XYLT1: variants seen among roughly 807,000 people sequenced by gnomAD.
XYLT1 encodes the protein beta-D-xylosyltransferase 1.
Under a neutral mutation model 91.3 loss-of-function variants are expected in XYLT1, and 36 were observed. The observed-to-expected ratio is 0.39, with a 90% CI of 0.30 to 0.52. The LOEUF (loss-of-function observed/expected upper bound fraction) is 0.52. Among genes scored for constraint, XYLT1 ranks in the 20% least tolerant of loss-of-function variants. The pLI is 0.68. For synonymous variants in XYLT1, 588 were observed against 532.0 expected (o/e 1.11, Z -1.45); for missense variants, 1,242 against 1,284.5 (o/e 0.97, Z 0.51).
At chr16:17,138,813 T>C in intron 7 of XYLT1, 1 of 306,496 alleles carries the variant, frequency 3.3e-6, no homozygotes, top group East Asian at 6.0e-5. Context: ...TTATGTTCTC[T>C]GCATGCATTT....
intron 1 of XYLT1, among the ~76,000 whole-genome samples, chr16:17,372,974 C>A (rs1036575367): frequency 1.3e-5 from 2 of 152,120 alleles, no homozygotes; most frequent in African/African-American, 4.8e-5. Context: ...TTTTCTAACA[C>A]GTTCTTGACC....
chr16:17,426,668 T>C lies in XYLT1; in HGVS notation c.363+43766A>G, dbSNP rs185538810. 2.3e-3 allele frequency among the ~76,000 whole-genome samples: 351 copies of C among 152,338 alleles called. 2 individuals carry two copies. The Middle Eastern group carries it at 0.027, about 12-fold the overall frequency. ...CTGTAAATAAAGTTTTATTGACACA[T>C]AGACACGCCCACTAAGTTATTGCCT... On this transcript the variant is annotated intron_variant, in intron 1 of 11. Coordinates refer to ENST00000261381, the MANE Select transcript of XYLT1 (RefSeq NM_022166.4).
chr16:17,440,475 C>G (rs1298510291), intron 1 of XYLT1, among the ~76,000 whole-genome samples: 1 of 152,192 alleles, frequency 6.6e-6, no homozygotes, highest in Non-Finnish European at 1.5e-5. Flanking sequence ...TCAGCCATTT[C>G]TATCAGCTCT....
rs1174192240 is a variant in XYLT1 at position 17,159,720 on chromosome 16, G to A, written c.1290-811C>T. On this transcript the variant is annotated intron_variant, in intron 5 of 11. Transcript: ENST00000261381. Reference sequence around the variant, plus strand: ...AAAAAATATGAAGTCCAATACAAACGAGTGACATCGTTGCCAGCATTGTTA... The same window carrying A: ...AAAAAATATGAAGTCCAATACAAACAAGTGACATCGTTGCCAGCATTGTTA... Among the ~76,000 whole-genome samples, 3 of 152,346 alleles carry A rather than the reference G, an allele frequency of 2.0e-5. 1 individual carries two copies. Among genetic ancestry groups the A allele is most frequent in the East Asian group, 3.9e-4 (2 of 5,188 alleles).
intron 5 of XYLT1, among the ~76,000 whole-genome samples, chr16:17,191,170 T>C (rs2032302085): frequency 6.6e-6 from 1 of 152,198 alleles, no homozygotes; most frequent in Non-Finnish European, 1.5e-5. Flanking sequence ...TGAGGAGCCA[T>C]AACTGTATTC....
intron 2 of XYLT1, among the ~76,000 whole-genome samples, chr16:17,260,510 T>C (rs1054560246): frequency 5.3e-5 from 8 of 152,114 alleles, no homozygotes; most frequent in Admixed American, 2.6e-4. Context: ...GCGGCATCCC[T>C]GCTAGTCCTC....
intron 5 of XYLT1, among the ~76,000 whole-genome samples, chr16:17,184,466 G>C (rs1197741578): frequency 6.6e-6 from 1 of 152,194 alleles, no homozygotes; most frequent in African/African-American, 2.4e-5. Context: ...TCTGGTAACA[G>C]TAGTATAATT....
In XYLT1 at chr16:17,415,415, C is replaced by T. The variant is rs148711867; in HGVS notation, c.363+55019G>A. ...ATCTCAGAAATAAATGGAGGCCGGG[C>T]GCGGTGGCTCACGCCTGTAATCCCA... On this transcript the variant is annotated intron_variant, in intron 1 of 11. Coordinates refer to ENST00000261381, the MANE Select transcript of XYLT1 (RefSeq NM_022166.4). 6.0e-3 allele frequency among the ~76,000 whole-genome samples: 909 copies of T among 152,254 alleles called. 13 individuals carry two copies. Among genetic ancestry groups the T allele is most frequent in the African/African-American group, 0.021 (857 of 41,542 alleles).
Position 17,437,768 on chromosome 16 carries a change from A to G in XYLT1, c.363+32666T>C, listed in dbSNP as rs561437206. Among the ~76,000 whole-genome samples, 30 of 152,316 alleles carry G rather than the reference A, an allele frequency of 2.0e-4. No homozygotes were observed. In the South Asian group the frequency reaches 5.6e-3, roughly 28 times the overall value. On this transcript the variant is annotated intron_variant, in intron 1 of 11. Coordinates refer to ENST00000261381, the MANE Select transcript of XYLT1 (RefSeq NM_022166.4). ...GGAGGAGCTCTCCAAAGTGTTTAGG[A>G]ACACAAATCTGGCAAGTTTAAAAAA...
intron 8 of XYLT1, among the ~76,000 whole-genome samples, chr16:17,135,968 G>T (rs1489590056): frequency 1.3e-5 from 2 of 152,332 alleles, no homozygotes; most frequent in East Asian, 3.9e-4. Flanking sequence ...CTGACCCCTT[G>T]TGTAGGGCTG....
chr16:17,251,999 G>A (rs962646743), intron 3 of XYLT1, among the ~76,000 whole-genome samples: 1 of 152,144 alleles, frequency 6.6e-6, no homozygotes, highest in Non-Finnish European at 1.5e-5. Context: ...CCAGCAAGAC[G>A]TGGCTGCACA....
At chr16:17,166,163 G>A (rs1278033029) in intron 5 of XYLT1, among the ~76,000 whole-genome samples, 1 of 152,216 alleles carries the variant, frequency 6.6e-6, no homozygotes, top group Non-Finnish European at 1.5e-5. Flanking sequence ...ACATGGAGAT[G>A]GAAAGGACCT....
intron 1 of XYLT1, among the ~76,000 whole-genome samples, chr16:17,465,555 T>TGG (rs2036883427): frequency 1.5e-5 from 1 of 68,058 alleles, no homozygotes; most frequent in Non-Finnish European, 2.9e-5. Context: ...GTGTTTTTTT[T>TGG]TGGGGGGGGG....
chr16:17,420,006 T>C (rs2036231948), intron 1 of XYLT1, among the ~76,000 whole-genome samples: 1 of 152,238 alleles, frequency 6.6e-6, no homozygotes, highest in East Asian at 1.9e-4. Context: ...TCATTACTGT[T>C]AGTCCATTCA....
chr16:17,225,911 A>T (rs2033056156), intron 3 of XYLT1, among the ~76,000 whole-genome samples: 1 of 152,214 alleles, frequency 6.6e-6, no homozygotes, highest in Non-Finnish European at 1.5e-5. Flanking sequence ...TTCGGATCAT[A>T]AGTTCTTTGG....
At chr16:17,347,043 C>T (rs942403956) in intron 2 of XYLT1, among the ~76,000 whole-genome samples, 2 of 152,230 alleles carry the variant, frequency 1.3e-5, no homozygotes, top group Non-Finnish European at 2.9e-5. Flanking sequence ...CCCACTGCTA[C>T]TCCCTCCTGC....
rs879309501 is a variant in XYLT1 at position 17,316,823 on chromosome 16, AT to A, written c.402+41188del. On this transcript the variant is annotated intron_variant, in intron 2 of 11. Transcript: ENST00000261381. ...GAGCTCACTTTGAAACCACAGGCAG[AT>A]TTTTTTTTTTTTTTTGAGACGGAGT... 5.4e-3 allele frequency among the ~76,000 whole-genome samples: 709 copies of A among 131,080 alleles called. 1 individual carries two copies. The highest frequency in any genetic ancestry group is 0.017 in the Middle Eastern group (4 of 238). 86.0% of individuals were successfully genotyped at this position (131,080 alleles called of 152,430 possible).
chr16:17,356,411 C>T (rs376756642), intron 2 of XYLT1, among the ~76,000 whole-genome samples: 44 of 152,240 alleles, frequency 2.9e-4, no homozygotes, highest in African/African-American at 5.1e-4. Context: ...ACTTCCCTGC[C>T]GGCCCTGGCG....
intron 3 of XYLT1, among the ~76,000 whole-genome samples, chr16:17,217,760 G>A (rs1000581425): frequency 1.3e-5 from 2 of 152,100 alleles, no homozygotes; most frequent in African/African-American, 4.8e-5. Flanking sequence ...AAGTACGGGC[G>A]GCCAGGGGAG....
Sources: gnomAD v4.1 joint callset for allele counts (sites outside exome capture counted in the v4.1 genomes callset) on GRCh38, gnomAD v4.1.1 for gene constraint, MANE v1.5 for transcripts, NCBI Gene and HGNC (gene_info 2026-07-23, HGNC 2026-07-21) for gene names.